SLC9A4: variants seen among roughly 807,000 people sequenced by gnomAD.
The protein encoded by SLC9A4 is sodium/hydrogen exchanger 4.
A neutral mutation model predicts 67.4 loss-of-function variants in SLC9A4; 63 were observed. That is an observed-to-expected ratio of 0.93 (90% confidence interval 0.76 to 1.15). The LOEUF is 1.15. SLC9A4 is among the 50% of genes most tolerant of loss of function. The pLI is 0.00. For missense variants in SLC9A4, 1,089 were observed against 987.7 expected (o/e 1.10, Z -1.38); for synonymous variants, 393 against 367.2 (o/e 1.07, Z -0.80).
At chr2:102,508,478 C>T (rs766107624) in intron 5 of SLC9A4, among the ~76,000 whole-genome samples, 197 bp downstream of exon 5, 6 of 152,142 alleles carry the variant, frequency 3.9e-5, no homozygotes, top group Non-Finnish European at 8.8e-5. Flanking sequence ...ATCAATACAG[C>T]ATATTTATCA....
At chr2:102,510,464 G>A (rs58297083) in intron 6 of SLC9A4, among the ~76,000 whole-genome samples, 4,561 of 152,210 alleles carry the variant, frequency 0.03, 198 homozygotes, top group African/African-American at 0.091. Flanking sequence ...TCTTCATCAG[G>A]GAAGCCTCAG....
intron 9 of SLC9A4, among the ~76,000 whole-genome samples, chr2:102,523,980 C>T (rs1336355396): frequency 1.3e-5 from 2 of 152,204 alleles, no homozygotes; most frequent in African/African-American, 4.8e-5. Context: ...TCTATGACCC[C>T]CGATGATCCC....
At chr2:102,506,982 A>T (rs1451576505) in intron 4 of SLC9A4, among the ~76,000 whole-genome samples, 1 of 152,178 alleles carries the variant, frequency 6.6e-6, no homozygotes, top group Non-Finnish European at 1.5e-5. Flanking sequence ...CTGACTCATC[A>T]CAACTAATAG....
rs1685135498 is a variant in SLC9A4, at chr2:102,510,238, G to C, written c.1488+1305G>C. 2.1e-5 allele frequency among the ~76,000 whole-genome samples: 3 copies of C among 141,926 alleles called. No homozygotes were observed. The South Asian group carries it at 6.9e-4, about 33-fold the overall frequency. The allele number at this position is 141,926 out of a possible 152,430, so 93.1% of individuals were successfully genotyped here. A position where few individuals can be genotyped will look rare whatever the true frequency, so the allele number is the denominator to read the frequency against. On this transcript the variant is annotated intron_variant, in intron 6 of 11. Transcript: ENST00000295269. ...AGATACAGATACGGATACGGATACA[G>C]ATACAGATACAGATACAGATACAGA...
chr2:102,520,038 T>G, intron 9 of SLC9A4, 83 bp downstream of exon 9: 2 of 1,138,500 alleles, frequency 1.8e-6, no homozygotes, highest in Non-Finnish European at 2.6e-6. Flanking sequence ...TGTTCAAGTC[T>G]CCTGATGTTC....
chr2:102,517,022 G>A (rs916344784), intron 8 of SLC9A4, among the ~76,000 whole-genome samples: 3 of 152,160 alleles, frequency 2.0e-5, no homozygotes, highest in African/African-American at 7.2e-5. Context: ...CTAATGGATT[G>A]CACATTGACA....
chr2:102,491,111 T>C (rs1220403680), intron 2 of SLC9A4, among the ~76,000 whole-genome samples: 1 of 152,158 alleles, frequency 6.6e-6, no homozygotes, highest in Non-Finnish European at 1.5e-5. Flanking sequence ...TGGCCAGGCA[T>C]AATCACATGG....
At position 102,473,790 on chromosome 2, in the gene SLC9A4, C is replaced by T. The variant is rs748906541; in HGVS notation, c.31C>T (p.Pro11Ser). 3 of 1,614,012 alleles carry T rather than the reference C, an allele frequency of 1.9e-6. No homozygotes were observed. The highest frequency in any genetic ancestry group is 2.2e-5 in the South Asian group (2 of 91,076). The change falls in exon 1 of 12, where the codon CCT becomes TCT. Residue 11 changes from proline (P) to serine (S), a missense_variant. Coordinates refer to ENST00000295269, the MANE Select transcript of SLC9A4 (RefSeq NM_001011552.4). ...TCTGCAGATGTTCGTGACTTACAGT[C>T]CTTGGAATTGTTTGCTACTGCTAGT... Reference protein sequence around the residue: MALQMFVTYSPWNCLLLLVAL... With the variant: MALQMFVTYSSWNCLLLLVAL...
At chr2:102,486,408 T>C (rs1439169155) in intron 2 of SLC9A4, among the ~76,000 whole-genome samples, 1 of 152,254 alleles carries the variant, frequency 6.6e-6, no homozygotes, top group African/African-American at 2.4e-5. Flanking sequence ...CCTGACACCC[T>C]AATGATGCCA....
intron 11 of SLC9A4, among the ~76,000 whole-genome samples, chr2:102,530,700 A>G (rs1441362413): frequency 2.6e-5 from 4 of 152,234 alleles, no homozygotes; most frequent in South Asian, 2.1e-4. Context: ...TGCTTCAAGC[A>G]CCAAGGATCC....
rs543218478 is a variant in SLC9A4 at position 102,499,878 on chromosome 2, A to G, written c.721-3570A>G. 2.9e-3 allele frequency among the ~76,000 whole-genome samples: 444 copies of G among 152,372 alleles called. 2 individuals are homozygous for G. The highest frequency in any genetic ancestry group is 5.2e-3 in the Non-Finnish European group (357 of 68,040). The stretch of plus-strand genomic sequence containing the variant: ...GATTGAACCATTTGGGGAATAAGCC[A>G]GAGTTTAAGACCTTGTAAAATTCAA... On this transcript the variant is annotated intron_variant, in intron 2 of 11. Transcript: ENST00000295269.
At chr2:102,525,383 A>G (rs1425440598) in intron 10 of SLC9A4, among the ~76,000 whole-genome samples, 5 of 151,884 alleles carry the variant, frequency 3.3e-5, no homozygotes, top group African/African-American at 1.2e-4. Context: ...TTCCCTCCAC[A>G]GTGGGTCAGG....
chr2:102,507,243 A>T (rs1321882139), intron 4 of SLC9A4, among the ~76,000 whole-genome samples: 3 of 152,204 alleles, frequency 2.0e-5, no homozygotes, highest in African/African-American at 7.2e-5. Flanking sequence ...TGCACTATCC[A>T]TGTGCCTATT....
intron 1 of SLC9A4, among the ~76,000 whole-genome samples, chr2:102,476,479 G>T (rs1684334944): frequency 1.3e-5 from 2 of 152,218 alleles, no homozygotes; most frequent in South Asian, 4.1e-4. Context: ...GCCTCTTCCT[G>T]CTACAACTGT....
chr2:102,523,123 C>T (rs1421688538), intron 9 of SLC9A4, among the ~76,000 whole-genome samples: 2 of 119,670 alleles, frequency 1.7e-5, no homozygotes, highest in African/African-American at 6.6e-5. Context: ...TTCACACCAC[C>T]ACACCCAGCA....
intron 2 of SLC9A4, among the ~76,000 whole-genome samples, chr2:102,486,273 G>A (rs1371506808): frequency 6.6e-6 from 1 of 152,142 alleles, no homozygotes; most frequent in Non-Finnish European, 1.5e-5. Flanking sequence ...TATGGTTGAT[G>A]GAGGGTTAAA....
intron 2 of SLC9A4, among the ~76,000 whole-genome samples, chr2:102,491,646 G>A (rs147745134): frequency 2.5e-4 from 38 of 152,128 alleles, no homozygotes; most frequent in African/African-American, 6.5e-4. Flanking sequence ...GGGATTATGC[G>A]AGCTACAATT....
intron 9 of SLC9A4, 45 bp from the exon 10 acceptor site, chr2:102,524,979 G>T (rs373112713): frequency 2.5e-6 from 4 of 1,610,074 alleles, no homozygotes; most frequent in Non-Finnish European, 2.5e-6. Flanking sequence ...GCTGAAAGTT[G>T]TATGGAGGAG....
At chr2:102,524,556 TTGTG>T (rs147920382) in intron 9 of SLC9A4, among the ~76,000 whole-genome samples, 21,656 of 145,474 alleles carry the variant, frequency 0.15, 1,769 homozygotes, top group African/African-American at 0.23. Flanking sequence ...GTGATAGGAA[TTGTG>T]TGTGTGTGTG....
Sources: allele counts gnomAD v4.1 joint callset (sites outside exome capture counted in the v4.1 genomes callset), GRCh38; gene constraint gnomAD v4.1.1; transcripts MANE v1.5; gene names NCBI Gene and HGNC (gene_info 2026-07-23, HGNC 2026-07-21).